Variants in MYC observed in about 807,000 individuals in gnomAD.
MYC encodes the protein MYC proto-oncogene, bHLH transcription factor.
In MYC, 1 loss-of-function variant was observed where a neutral mutation model predicts 30.5. The observed-to-expected ratio is 0.03, with a 90% CI of 0.01 to 0.16. The LOEUF is 0.16. Among genes scored for constraint, MYC ranks in the 10% least tolerant of loss-of-function variants. MYC has a pLI of 1.00. For missense variants in MYC, 508 were observed against 589.0 expected, an observed-to-expected ratio of 0.86 and a Z score of 1.42; for synonymous variants, 267 against 250.7, an observed-to-expected ratio of 1.07 and a Z score of -0.62.
chr8:127,741,453 C>T lies in MYC; in HGVS notation c.*495C>T, dbSNP rs1229881592. The T allele has an allele frequency of 1.4e-5, 3 of 211,686 alleles. No homozygotes were observed. The highest frequency in any genetic ancestry group is 5.9e-5 in the Admixed American group (1 of 17,088). 13.1% of individuals were successfully genotyped at this position (211,686 alleles called of 1,614,324 possible). ...ATCTTAAGTTGTGAATGTTTTGTTTCGTTTCTTCCCCCTCCCAACCACCAC... is the reference window on the plus strand; with the variant it reads ...ATCTTAAGTTGTGAATGTTTTGTTTTGTTTCTTCCCCCTCCCAACCACCAC... On this transcript the variant is annotated 3_prime_UTR_variant, in exon 3 of 3. Coordinates refer to ENST00000621592, the MANE Select transcript of MYC (RefSeq NM_002467.6).
rs1813592879 is a variant in MYC at position 127,736,510 on chromosome 8, G to A, written c.-84G>A. The A allele has an allele frequency of 3.4e-6, 5 of 1,485,562 alleles. No homozygotes were observed. Among genetic ancestry groups the A allele is most frequent in the African/African-American group, 1.4e-5 (1 of 71,944 alleles). 92.0% of individuals were successfully genotyped at this position (1,485,562 alleles called of 1,614,324 possible). On this transcript the variant is annotated 5_prime_UTR_variant, in exon 1 of 3. Transcript: ENST00000621592. Reference sequence around the variant, plus strand: ...GGACGCGACTCTCCCGACGCGGGGAGGCTATTCTGCCCATTTGGGGACACT... The same window carrying A: ...GGACGCGACTCTCCCGACGCGGGGAAGCTATTCTGCCCATTTGGGGACACT...
At chr8:127,739,483 G>A (rs1312646121) in intron 2 of MYC, among the ~76,000 whole-genome samples, 2 of 152,206 alleles carry the variant, frequency 1.3e-5, no homozygotes, top group African/African-American at 4.8e-5. Flanking sequence ...TAGAGGCTAG[G>A]CAGGGCCTGC....
At position 127,736,459 on chromosome 8, in the gene MYC, C is replaced by T; in HGVS notation, c.-135C>T. 1.0e-6 allele frequency: 1 copy of T among 954,560 alleles called. No individual in the cohort carries two copies. The allele number at this position is 954,560 out of a possible 1,614,324, so 59.1% of individuals were successfully genotyped here. A position where few individuals can be genotyped will look rare whatever the true frequency, so the allele number is the denominator to read the frequency against. On this transcript the variant is annotated 5_prime_UTR_variant, in exon 1 of 3. Coordinates refer to ENST00000621592, the MANE Select transcript of MYC (RefSeq NM_002467.6). Reference sequence around the variant, plus strand: ...CCCATAGCAGCGGGCGGGCACTTTGCACTGGAACTTACAACACCCGAGCAA... The same window carrying T: ...CCCATAGCAGCGGGCGGGCACTTTGTACTGGAACTTACAACACCCGAGCAA...
At position 127,736,303 on chromosome 8, in the gene MYC, G is replaced by T. The variant is rs1237337853; in HGVS notation, c.-291G>T. The T allele has an allele frequency of 3.6e-6, 2 of 562,452 alleles. No individual in the cohort carries two copies. Among genetic ancestry groups the T allele is most frequent in the South Asian group, 2.4e-5 (1 of 42,002 alleles). The allele number at this position is 562,452 out of a possible 1,614,324, so 34.8% of individuals were successfully genotyped here. ...GCCGGCTAGGGTGGAAGAGCCGGGC[G>T]AGCAGAGCTGCGCTGCGGGCGTCCT... is the stretch of plus-strand genomic sequence containing the variant. On this transcript the variant is annotated 5_prime_UTR_variant, in exon 1 of 3. Transcript: ENST00000621592.
At chr8:127,735,477 G>A (rs773815056), upstream of MYC, 4 of 399,358 alleles carry the variant, frequency 1.0e-5, no homozygotes, top group Non-Finnish European at 1.8e-5. Flanking sequence ...GTGGCAATGC[G>A]TTGCTGGGTT....
Position 127,738,864 on chromosome 8 carries a change from A to G in MYC, c.647A>G (p.Asp216Gly), listed in dbSNP as rs778262855. The change falls in exon 2 of 3, where the codon GAC (aspartate) becomes GGC (glycine). Residue 216 changes from aspartate (D) to glycine (G), a missense_variant. Asp to Gly is a moderately conservative substitution (Grantham distance 94). Transcript: ENST00000621592. The surrounding 1 kb of genome is among the most constrained non-coding windows in gnomAD (Gnocchi z 7.6). ...GTGGTCTTCCCCTACCCTCTCAACG[A>G]CAGCAGCTCGCCCAAGTCCTGCGCC... 16 of 1,612,256 alleles carry G rather than the reference A, an allele frequency of 9.9e-6. No individual in the cohort carries two copies. The South Asian group carries it at 1.3e-4, about 13-fold the overall frequency.
rs2130083754 is a variant in MYC at position 127,736,538 on chromosome 8, C to A, written c.-56C>A. 1 of 1,606,690 alleles carries A rather than the reference C, an allele frequency of 6.2e-7. No individual in the cohort carries two copies. Among genetic ancestry groups the A allele is most frequent in the East Asian group, 2.2e-5 (1 of 44,850 alleles). ...TATTCTGCCCATTTGGGGACACTTC[C>A]CCGCCGCTGCCAGGACCCGCTTCTC... On this transcript the variant is annotated 5_prime_UTR_variant, in exon 1 of 3. Coordinates refer to ENST00000621592, the MANE Select transcript of MYC (RefSeq NM_002467.6).
rs886569661 is a variant in MYC at position 127,738,904 on chromosome 8, C to T, written c.687C>T (p.Ser229=). The T allele has an allele frequency of 6.2e-7, 1 of 1,611,134 alleles. No homozygotes were observed. The highest frequency in any genetic ancestry group is 8.5e-7 in the Non-Finnish European group (1 of 1,179,992). The change falls in exon 2 of 3, where the codon AGC becomes AGT. Residue 229 remains serine, a synonymous_variant. Coordinates refer to ENST00000621592, the MANE Select transcript of MYC (RefSeq NM_002467.6). The surrounding 1 kb of genome is among the most constrained non-coding windows in gnomAD (Gnocchi z 7.6). ...AGTCCTGCGCCTCGCAAGACTCCAG[C>T]GCCTTCTCTCCGTCCTCGGATTCTC... is the stretch of plus-strand genomic sequence containing the variant.
rs1213943304 is a variant in MYC at position 127,738,784 on chromosome 8, C to T, written c.567C>T (p.Ser189=). ...GCGGCCACAGCGTCTGCTCCACCTC[C>T]AGCTTGTACCTGCAGGATCTGAGCG... Residue 189 remains serine, a synonymous_variant, in exon 2 of 3, where the codon TCC becomes TCT. Transcript: ENST00000621592. The surrounding 1 kb of genome is among the most constrained non-coding windows in gnomAD (Gnocchi z 7.6). 14 of 1,609,920 alleles carry T rather than the reference C, an allele frequency of 8.7e-6. No individual in the cohort carries two copies. The highest frequency in any genetic ancestry group is 1.3e-5 in the African/African-American group (1 of 74,812).
intron 1 of MYC, among the ~76,000 whole-genome samples, chr8:127,737,101 C>A (rs939628343): frequency 6.6e-6 from 1 of 152,272 alleles, no homozygotes; most frequent in African/African-American, 2.4e-5. Context: ...ATTTAAATTT[C>A]GGCTCACCGC....
Position 127,740,877 on chromosome 8 carries a change from C to T in MYC, c.1284C>T (p.Leu428=), listed in dbSNP as rs770665301. 6.2e-7 allele frequency: 1 copy of T among 1,612,486 alleles called. No homozygotes were observed. ...CCGTCCAAGCAGAGGAGCAAAAGCTCATTTCTGAAGAGGACTTGTTGCGGA... is the reference window on the plus strand; with the variant it reads ...CCGTCCAAGCAGAGGAGCAAAAGCTTATTTCTGAAGAGGACTTGTTGCGGA... Residue 428 remains leucine (L), a synonymous_variant, in exon 3 of 3, where the codon CTC becomes CTT. Transcript: ENST00000621592.
At chr8:127,737,710 G>A (rs1192055143) in intron 1 of MYC, among the ~76,000 whole-genome samples, 1 of 152,110 alleles carries the variant, frequency 6.6e-6, no homozygotes, top group Non-Finnish European at 1.5e-5. Flanking sequence ...CGGTGGAGAG[G>A]GAAGGTTGGG....
rs141503199 is a variant in MYC at position 127,741,659 on chromosome 8, A to T, written c.*701A>T. On this transcript the variant is annotated 3_prime_UTR_variant, in exon 3 of 3. Transcript: ENST00000621592. ...ACAGTTAGAAGGAATGGCAGAAGGC[A>T]GGTGAGAAGGTGAGAGGTAGGCAAA... Among the ~76,000 whole-genome samples, 670 of 152,362 alleles carry T rather than the reference A, an allele frequency of 4.4e-3. 6 individuals carry two copies. The highest frequency in any genetic ancestry group is 0.015 in the African/African-American group (630 of 41,584).
At position 127,742,311 on chromosome 8, in the gene MYC, A is replaced by G. The variant is rs892272524; in HGVS notation, c.*1353A>G. ...CATGCCCAAGATTCACTGATAGGGA[A>G]AAGTGGAAGCGAGATTTGAACCCAG... On this transcript the variant is annotated 3_prime_UTR_variant, in exon 3 of 3. Coordinates refer to ENST00000621592, the MANE Select transcript of MYC (RefSeq NM_002467.6). Among the ~76,000 whole-genome samples, 3 of 152,182 alleles carry G rather than the reference A, an allele frequency of 2.0e-5. No homozygotes were observed. Among genetic ancestry groups the G allele is most frequent in the Non-Finnish European group, 4.4e-5 (3 of 68,030 alleles).
intron 1 of MYC, 60 bp downstream of exon 1, chr8:127,736,683 G>T (rs1813597144): frequency 4.5e-6 from 7 of 1,556,820 alleles, no homozygotes; most frequent in South Asian, 2.2e-5. Flanking sequence ...ATGCTGAGAT[G>T]AGTCGAATGC....
intron 2 of MYC, 26 bp downstream of exon 2, chr8:127,739,045 C>A (rs1332950210): frequency 2.0e-6 from 3 of 1,464,242 alleles, no homozygotes; most frequent in Admixed American, 5.3e-5. Flanking sequence ...CCAGGCCTGT[C>A]AAAAGTGGGC....
Position 127,738,562 on chromosome 8 carries a change from G to T in MYC, c.345G>T (p.Glu115Asp). The change falls in exon 2 of 3, where the codon GAG (glutamate) becomes GAT (aspartate). Residue 115 changes from glutamate to aspartate, a missense_variant. Around this residue, in one of 5 missense-constraint regions of MYC, gnomAD observed 364 missense variants for 381.1 expected, o/e 0.96. Transcript: ENST00000621592. This position sits in a 1 kb window ranked among gnomAD's most constrained non-coding sequence, Gnocchi z 7.6. ...GCTTCTCCACGGCCGACCAGCTGGAGATGGTGACCGAGCTGCTGGGAGGAG... is the reference window on the plus strand; with the variant it reads ...GCTTCTCCACGGCCGACCAGCTGGATATGGTGACCGAGCTGCTGGGAGGAG... 6.2e-7 allele frequency: 1 copy of T among 1,613,698 alleles called. No homozygotes were observed. The highest frequency in any genetic ancestry group is 8.5e-7 in the Non-Finnish European group (1 of 1,179,782).
Position 127,738,484 on chromosome 8 carries a change from C to T in MYC, c.267C>T (p.Tyr89=), listed in dbSNP as rs769148296. The stretch of plus-strand genomic sequence containing the variant: ...GCTCCGGGCTCTGCTCGCCCTCCTA[C>T]GTTGCGGTCACACCCTTCTCCCTTC... The change falls in exon 2 of 3, where the codon TAC becomes TAT. Residue 89 remains tyrosine, a synonymous_variant. Transcript: ENST00000621592. The surrounding 1 kb of genome is among the most constrained non-coding windows in gnomAD (Gnocchi z 7.6). 2.5e-6 allele frequency: 4 copies of T among 1,605,902 alleles called. No homozygotes were observed. The African/African-American group carries it at 5.3e-5, about 21-fold the overall frequency.
chr8:127,740,296 C>A, intron 2 of MYC, 100 bp from the exon 3 acceptor site: 1 of 1,258,012 alleles, frequency 7.9e-7, no homozygotes, highest in Non-Finnish European at 1.1e-6. Flanking sequence ...AGAGACCTTT[C>A]TAACGTATTC....
Sources: allele counts gnomAD v4.1 joint callset (sites outside exome capture counted in the v4.1 genomes callset), GRCh38; gene constraint gnomAD v4.1.1; regional missense constraint gnomAD v4.1.1; non-coding constraint Gnocchi (gnomAD v3.1); transcripts MANE v1.5; gene names NCBI Gene and HGNC (gene_info 2026-07-23, HGNC 2026-07-21).